Variants in OTULINL observed in about 807,000 individuals in gnomAD.
The protein encoded by OTULINL is OTU deubiquitinase with linear linkage specificity like.
Under a neutral mutation model 43.9 loss-of-function variants are expected in OTULINL, and 42 were observed. The observed-to-expected ratio is 0.96, with a 90% confidence interval of 0.75 to 1.24. The LOEUF (loss-of-function observed/expected upper bound fraction) is 1.24. OTULINL is among the 50% of genes most tolerant of loss of function. The probability of loss-of-function intolerance (pLI) is 0.00; values close to 1 mark genes in which losing one functional copy is unlikely to be tolerated. For synonymous variants in OTULINL, 172 were observed against 153.6 expected (o/e 1.12, Z -0.88); for missense variants, 411 against 426.4 (o/e 0.96, Z 0.32).
chr5:14,582,086 A>G, intron 1 of OTULINL, 128 bp downstream of exon 1: 1 of 631,730 alleles, frequency 1.6e-6, no homozygotes, highest in Non-Finnish European at 2.2e-6. Flanking sequence ...GGGGCTGGGA[A>G]TCCTGGAGCC....
In OTULINL at chr5:14,607,434, A is replaced by G; in HGVS notation, c.603A>G (p.Lys201=). 6.2e-7 allele frequency: 1 copy of G among 1,614,124 alleles called. No individual in the cohort carries two copies. The highest frequency in any genetic ancestry group is 1.1e-5 in the South Asian group (1 of 91,074). ...CGAATGTGTTTGGAAAACTACGGAAATATGTGGAATTATTGAAAACACAGG... is the reference window on the plus strand; with the variant it reads ...CGAATGTGTTTGGAAAACTACGGAAGTATGTGGAATTATTGAAAACACAGG... ...TGSNVFGKLR[K]YVELLKTQWT... is the part of the protein sequence containing the mutation. Residue 201 remains lysine (K), a synonymous_variant, in exon 6 of 8, where the codon AAA becomes AAG. Coordinates refer to ENST00000274217, the MANE Select transcript of OTULINL (RefSeq NM_019018.3).
At chr5:14,592,245 C>T (rs1759217528) in intron 1 of OTULINL, among the ~76,000 whole-genome samples, 1 of 151,998 alleles carries the variant, frequency 6.6e-6, no homozygotes, top group African/African-American at 2.4e-5. Flanking sequence ...ACCAGGACCA[C>T]GAAGAGACTC....
Position 14,615,875 on chromosome 5 carries a change from C to T in OTULINL, c.*5561C>T, listed in dbSNP as rs1009503178. 2.4e-4 allele frequency among the ~76,000 whole-genome samples: 36 copies of T among 152,136 alleles called. No individual in the cohort carries two copies. Among genetic ancestry groups the T allele is most frequent in the African/African-American group, 8.4e-4 (35 of 41,432 alleles). ...CATTCCTCCTGTATGTCTTTACAAG[C>T]AAATTGAAACGACATGCTCTTCTTT... is the stretch of plus-strand genomic sequence containing the variant. On this transcript the variant is annotated 3_prime_UTR_variant, in exon 8 of 8. Coordinates refer to ENST00000274217, the MANE Select transcript of OTULINL (RefSeq NM_019018.3).
chr5:14,587,979 C>G (rs1459136360), intron 1 of OTULINL, among the ~76,000 whole-genome samples: 2 of 152,178 alleles, frequency 1.3e-5, no homozygotes, highest in African/African-American at 4.8e-5. Flanking sequence ...ACCATGGAGG[C>G]CCTTGTGGAA....
At chr5:14,589,813 G>A (rs1490507457) in intron 1 of OTULINL, among the ~76,000 whole-genome samples, 13 of 152,180 alleles carry the variant, frequency 8.5e-5, no homozygotes, top group African/African-American at 3.1e-4. Context: ...TTAGCCAGGT[G>A]TGGTGGCAGG....
chr5:14,581,989 G>C, intron 1 of OTULINL, 31 bp downstream of exon 1: 1 of 1,251,620 alleles, frequency 8.0e-7, no homozygotes, highest in Non-Finnish European at 1.0e-6. Context: ...GGCGGGGCGG[G>C]GGGCGCGAGC....
At position 14,581,849 on chromosome 5, in the gene OTULINL, G is replaced by A; in HGVS notation, c.-46G>A. The A allele has an allele frequency of 1.5e-6, 2 of 1,371,892 alleles. No homozygotes were observed. The highest frequency in any genetic ancestry group is 1.9e-6 in the Non-Finnish European group (2 of 1,062,620). 85.0% of individuals were successfully genotyped at this position (1,371,892 alleles called of 1,614,324 possible). A position where few individuals can be genotyped will look rare whatever the true frequency, so the allele number is the denominator to read the frequency against. On this transcript the variant is annotated 5_prime_UTR_variant, in exon 1 of 8. Transcript: ENST00000274217. ...CGGCCGTCGCGTCTGACAGACCACT[G>A]CAGACCACGGGCCGAGGCCCAGCGC...
In OTULINL at chr5:14,613,418, T is replaced by C. The variant is rs949888026; in HGVS notation, c.*3104T>C. ...TTCATCATACCTCTTCTAATCTGAG[T>C]ATTTCCTCTGGGCTTAAAAGAGCCT... On this transcript the variant is annotated 3_prime_UTR_variant, in exon 8 of 8. Coordinates refer to ENST00000274217, the MANE Select transcript of OTULINL (RefSeq NM_019018.3). 3.3e-5 allele frequency among the ~76,000 whole-genome samples: 5 copies of C among 152,168 alleles called. No homozygotes were observed. Among genetic ancestry groups the C allele is most frequent in the Non-Finnish European group, 7.4e-5 (5 of 68,020 alleles).
chr5:14,594,766 A>C (rs1759258265), intron 1 of OTULINL, among the ~76,000 whole-genome samples: 1 of 152,104 alleles, frequency 6.6e-6, no homozygotes, highest in South Asian at 2.1e-4. Flanking sequence ...TCACCTTTTC[A>C]AAGGGAGCAG....
chr5:14,597,138 G>C (rs925207202), intron 1 of OTULINL, among the ~76,000 whole-genome samples: 1 of 152,122 alleles, frequency 6.6e-6, no homozygotes, highest in Non-Finnish European at 1.5e-5. Flanking sequence ...CAAAATAAGG[G>C]TTACTAGAGT....
rs1759588265 is a variant in OTULINL at position 14,611,836 on chromosome 5, T to G, written c.*1522T>G. 6.6e-6 allele frequency: 1 copy of G among 152,232 alleles called. No homozygotes were observed. The highest frequency in any genetic ancestry group is 2.4e-5 in the African/African-American group (1 of 41,464). The allele number at this position is 152,232 out of a possible 1,614,324, so 9.4% of individuals were successfully genotyped here. A position where few individuals can be genotyped will look rare whatever the true frequency, so the allele number is the denominator to read the frequency against. On this transcript the variant is annotated 3_prime_UTR_variant, in exon 8 of 8. Coordinates refer to ENST00000274217, the MANE Select transcript of OTULINL (RefSeq NM_019018.3). ...TCTAAGAATGACTTACTTCACGAGA[T>G]ATTTAGCACTATCATTTTCCCAGAT...
chr5:14,599,489 CAA>C (rs199980039), intron 1 of OTULINL, among the ~76,000 whole-genome samples: 5 of 125,490 alleles, frequency 4.0e-5, no homozygotes, highest in African/African-American at 5.8e-5. Context: ...GATTTCATCT[CAA>C]AAAAAAAAAA....
chr5:14,592,961 C>T (rs992804505), intron 1 of OTULINL, among the ~76,000 whole-genome samples: 3 of 152,186 alleles, frequency 2.0e-5, no homozygotes, highest in Admixed American at 6.5e-5. Flanking sequence ...TCTCCAACTT[C>T]GTTTAGCTCA....
intron 1 of OTULINL, among the ~76,000 whole-genome samples, chr5:14,584,927 A>G (rs1342450258): frequency 6.6e-6 from 1 of 152,150 alleles, no homozygotes; most frequent in Non-Finnish European, 1.5e-5. Context: ...AGGCAGGTGA[A>G]TTTACCTGGT....
chr5:14,595,506 T>C (rs1759270109), intron 1 of OTULINL, among the ~76,000 whole-genome samples: 1 of 152,098 alleles, frequency 6.6e-6, no homozygotes, highest in African/African-American at 2.4e-5. Context: ...CTTTTAGTTT[T>C]GTTTTCAGGG....
chr5:14,590,262 A>G (rs542302365), intron 1 of OTULINL, among the ~76,000 whole-genome samples: 2 of 152,322 alleles, frequency 1.3e-5, no homozygotes, highest in African/African-American at 2.4e-5. Flanking sequence ...AACACTGGCA[A>G]TGTTGGAATT....
chr5:14,602,120 G>A (rs1560965532), intron 4 of OTULINL, 63 bp from the exon 5 acceptor site: 1 of 1,345,082 alleles, frequency 7.4e-7, no homozygotes, highest in East Asian at 2.6e-5. Flanking sequence ...AAAATACAGT[G>A]AATTCACTTT....
chr5:14,605,192 G>A (rs1448290944), intron 5 of OTULINL, among the ~76,000 whole-genome samples: 1 of 152,230 alleles, frequency 6.6e-6, no homozygotes, highest in Non-Finnish European at 1.5e-5. Flanking sequence ...TGTACCCACA[G>A]GCCCAACACC....
intron 1 of OTULINL, among the ~76,000 whole-genome samples, chr5:14,589,483 A>G (rs1222992363): frequency 1.3e-5 from 2 of 152,104 alleles, no homozygotes; most frequent in Non-Finnish European, 2.9e-5. Context: ...TCAGGGTCAG[A>G]CCATGAGGGG....
Sources: gnomAD v4.1 joint callset for allele counts (sites outside exome capture counted in the v4.1 genomes callset) on GRCh38, gnomAD v4.1.1 for gene constraint, MANE v1.5 for transcripts, NCBI Gene and HGNC (gene_info 2026-07-23, HGNC 2026-07-21) for gene names.